The following SLC37A1 variants were observed in gnomAD, a reference collection of about 807,000 sequenced individuals.
SLC37A1 encodes solute carrier family 37 member 1.
In SLC37A1, 49 loss-of-function variants were observed where a neutral mutation model predicts 75.3. The observed-to-expected ratio is 0.65, with a 90% CI of 0.52 to 0.83. SLC37A1 has a LOEUF of 0.83. Among genes scored for constraint, SLC37A1 ranks in the 40% least tolerant of loss-of-function variants. SLC37A1 has a pLI of 0.00. For missense variants in SLC37A1, 566 were observed against 695.0 expected, an observed-to-expected ratio of 0.81 and a Z score of 2.09; for synonymous variants, 268 against 292.1, an observed-to-expected ratio of 0.92 and a Z score of 0.84.
rs578018687 is a variant in SLC37A1, at chr21:42,543,669, C to G, written c.730+67C>G. On this transcript the variant is annotated intron_variant, in intron 8 of 19. Coordinates refer to ENST00000352133, the MANE Select transcript of SLC37A1 (RefSeq NM_001320537.2). ...CTCGGATTTCCCTGCCTGGGTGGGC[C>G]TTGGGGGCGAGTGTGAGAGCTGCGT... is the stretch of plus-strand genomic sequence containing the variant. 3.9e-5 allele frequency: 59 copies of G among 1,495,090 alleles called. No individual in the cohort carries two copies. In the Admixed American group the frequency reaches 1.3e-3, roughly 32 times the overall value. The allele number at this position is 1,495,090 out of a possible 1,614,324, so 92.6% of individuals were successfully genotyped here. A position where few individuals can be genotyped will look rare whatever the true frequency, so the allele number is the denominator to read the frequency against.
Position 42,547,711 on chromosome 21 carries a change from G to C in SLC37A1, c.768+571G>C, listed in dbSNP as rs533624207. ...ACCTGGCTAAGGCCAGCCCTCCCGC[G>C]GTACCGGTCCCCTCCCTCTCATGGC... On this transcript the variant is annotated intron_variant, in intron 9 of 19. Coordinates refer to ENST00000352133, the MANE Select transcript of SLC37A1 (RefSeq NM_001320537.2). This position sits in a 1 kb window ranked among gnomAD's most constrained non-coding sequence, Gnocchi z 6.1. 1 of 154,780 alleles carries C rather than the reference G, an allele frequency of 6.5e-6. No individual in the cohort carries two copies. The highest frequency in any genetic ancestry group is 1.4e-5 in the Non-Finnish European group (1 of 69,886). 9.6% of individuals were successfully genotyped at this position (154,780 alleles called of 1,614,324 possible).
At chr21:42,559,896 A>C (rs1390782659) in intron 11 of SLC37A1, among the ~76,000 whole-genome samples, 1 of 150,614 alleles carries the variant, frequency 6.6e-6, no homozygotes, top group African/African-American at 2.5e-5. Context: ...AAAAACCCAA[A>C]AAGTGCCTTC....
rs2055398229 is a variant in SLC37A1, at chr21:42,545,981, G to A, written c.731-1122G>A. 1.3e-5 allele frequency among the ~76,000 whole-genome samples: 2 copies of A among 152,242 alleles called. No homozygotes were observed. Among genetic ancestry groups the A allele is most frequent in the African/African-American group, 4.8e-5 (2 of 41,468 alleles). ...AGGTTTGATGCTGGCCTCGAGGCCA[G>A]CAGGAGTGTGCTCGGCAGCTGCATG... On this transcript the variant is annotated intron_variant, in intron 8 of 19. Coordinates refer to ENST00000352133, the MANE Select transcript of SLC37A1 (RefSeq NM_001320537.2). This position sits in a 1 kb window ranked among gnomAD's most constrained non-coding sequence, Gnocchi z 4.0.
intron 3 of SLC37A1, among the ~76,000 whole-genome samples, chr21:42,529,115 C>A (rs2054874917): frequency 6.6e-6 from 1 of 151,640 alleles, no homozygotes; most frequent in Admixed American, 6.6e-5. Flanking sequence ...ATTTTAATAC[C>A]ATAATCAAAT....
Position 42,528,432 on chromosome 21 carries a change from C to G in SLC37A1, c.138+2575C>G, listed in dbSNP as rs373674413. 4.6e-5 allele frequency among the ~76,000 whole-genome samples: 7 copies of G among 152,258 alleles called. No homozygotes were observed. The East Asian group carries it at 7.7e-4, about 17-fold the overall frequency. ...AAAGAAACCTGAAAGCAGAGGCTTC[C>G]CGGAGAAGCTTAAACTGCAGGGGTC... On this transcript the variant is annotated intron_variant, in intron 3 of 19. Transcript: ENST00000352133.
chr21:42,545,752 T>C lies in SLC37A1; in HGVS notation c.731-1351T>C, dbSNP rs2055392799. ...ATGGGGTGAGTTGGCTGATGTCCTT[T>C]AAATTGGTGACCATACATCACAGGT... On this transcript the variant is annotated intron_variant, in intron 8 of 19. Transcript: ENST00000352133. The surrounding 1 kb of genome is among the most constrained non-coding windows in gnomAD (Gnocchi z 4.0). 6.6e-6 allele frequency among the ~76,000 whole-genome samples: 1 copy of C among 152,192 alleles called. No individual in the cohort carries two copies. Among genetic ancestry groups the C allele is most frequent in the Non-Finnish European group, 1.5e-5 (1 of 68,022 alleles).
chr21:42,569,234 C>T (rs59175335), intron 17 of SLC37A1, among the ~76,000 whole-genome samples: 4,725 of 152,302 alleles, frequency 0.031, 231 homozygotes, highest in African/African-American at 0.11. Flanking sequence ...TCAGCCAGAA[C>T]CTGGTGCTGG....
chr21:42,571,514 C>A (rs1042526684), intron 17 of SLC37A1, among the ~76,000 whole-genome samples: 4 of 152,184 alleles, frequency 2.6e-5, no homozygotes, highest in African/African-American at 7.2e-5. Flanking sequence ...TGTTGTACAG[C>A]GGCGTTCCGT....
Position 42,559,020 on chromosome 21 carries a change from C to A in SLC37A1, c.912C>A (p.Val304=), listed in dbSNP as rs752363627. 3.7e-5 allele frequency: 59 copies of A among 1,613,784 alleles called. No individual in the cohort carries two copies. The highest frequency in any genetic ancestry group is 3.2e-4 in the South Asian group (29 of 91,050). Residue 304 remains valine, a synonymous_variant, in exon 11 of 20, where the codon GTC becomes GTA. Transcript: ENST00000352133. ...AGGGCTCCATCCACCCGAACCACGT[C>A]GTCATTCTCCCCGGGGACGGTGGGA... ...DGKGSIHPNH[V]VILPGDGGSG...
At chr21:42,538,422 T>A (rs2055194372) in intron 5 of SLC37A1, among the ~76,000 whole-genome samples, 1 of 152,222 alleles carries the variant, frequency 6.6e-6, no homozygotes, top group Non-Finnish European at 1.5e-5. Context: ...GGAAAATCTC[T>A]CTGGCGTAGG....
intron 3 of SLC37A1, among the ~76,000 whole-genome samples, chr21:42,530,049 A>C (rs1322801676): frequency 6.6e-6 from 1 of 152,228 alleles, no homozygotes; most frequent in African/African-American, 2.4e-5. Context: ...AAAAGGAAAA[A>C]AAAACAATGC....
chr21:42,543,697 C>T, intron 8 of SLC37A1, 95 bp downstream of exon 8: 1 of 1,297,376 alleles, frequency 7.7e-7, no homozygotes, highest in Non-Finnish European at 1.1e-6. Context: ...AGCTGCGTGG[C>T]CTAGCGCCCT....
chr21:42,522,915 G>A (rs1008029188), intron 2 of SLC37A1, among the ~76,000 whole-genome samples: 9 of 152,250 alleles, frequency 5.9e-5, no homozygotes, highest in Admixed American at 2.0e-4. Context: ...AGCACCAGCC[G>A]GGAGTCACCC....
intron 11 of SLC37A1, among the ~76,000 whole-genome samples, chr21:42,559,936 T>C (rs1042944699): frequency 2.1e-4 from 31 of 147,520 alleles, no homozygotes; most frequent in African/African-American, 7.8e-4. Context: ...TGATTGCCCG[T>C]GTGTGTGAGC....
rs1026085541 is a variant in SLC37A1 at position 42,514,806 on chromosome 21, G to C, written c.-179+89G>C. The C allele has an allele frequency of 1.1e-4, 17 of 152,448 alleles. No individual in the cohort carries two copies. The highest frequency in any genetic ancestry group is 3.9e-4 in the African/African-American group (16 of 41,440). 9.4% of individuals were successfully genotyped at this position (152,448 alleles called of 1,614,324 possible). A position where few individuals can be genotyped will look rare whatever the true frequency, so the allele number is the denominator to read the frequency against. ...ACTCCCCGCTAACACCCCAGCCCGC[G>C]GCCCCAGGTTTGAATTTCCAAAGGA... On this transcript the variant is annotated intron_variant, in intron 1 of 19. Transcript: ENST00000352133. The surrounding 1 kb of genome is among the most constrained non-coding windows in gnomAD (Gnocchi z 4.8).
Position 42,554,162 on chromosome 21 carries a change from C to T in SLC37A1, c.849+20C>T, listed in dbSNP as rs776655116. 6.2e-7 allele frequency: 1 copy of T among 1,608,916 alleles called. No individual in the cohort carries two copies. The highest frequency in any genetic ancestry group is 1.1e-5 in the South Asian group (1 of 90,438). On this transcript the variant is annotated intron_variant, in intron 10 of 19. Transcript: ENST00000352133. ...CCTCTGGTAAGTCACACACAACTTC[C>T]ACTTCCTAGAATGTCGGAGCTGCAG...
intron 18 of SLC37A1, chr21:42,575,255 G>T: frequency 1.0e-6 from 1 of 984,534 alleles, no homozygotes; most frequent in African/African-American, 1.7e-5. Flanking sequence ...CTTTAAAATG[G>T]GCATGATAAT....
rs975242785 is a variant in SLC37A1, at chr21:42,547,394, G to A, written c.768+254G>A. 2.3e-6 allele frequency: 1 copy of A among 441,286 alleles called. No individual in the cohort carries two copies. The highest frequency in any genetic ancestry group is 2.0e-5 in the African/African-American group (1 of 49,942). 27.3% of individuals were successfully genotyped at this position (441,286 alleles called of 1,614,324 possible). ...GACTTCATGCTAAGGGGAACCAAAG[G>A]CTGGGCCCTGGCCAGGCCTCCTCAG... On this transcript the variant is annotated intron_variant, in intron 9 of 19. Transcript: ENST00000352133. The surrounding 1 kb of genome is among the most constrained non-coding windows in gnomAD (Gnocchi z 6.1).
chr21:42,535,965 C>T (rs987866546), intron 5 of SLC37A1, among the ~76,000 whole-genome samples: 1 of 152,238 alleles, frequency 6.6e-6, no homozygotes, highest in African/African-American at 2.4e-5. Context: ...TAACGAATTT[C>T]ACCTGATGAT....
Sources: allele counts gnomAD v4.1 joint callset (sites outside exome capture counted in the v4.1 genomes callset), GRCh38; gene constraint gnomAD v4.1.1; non-coding constraint Gnocchi (gnomAD v3.1); transcripts MANE v1.5; gene names NCBI Gene and HGNC (gene_info 2026-07-23, HGNC 2026-07-21).